Variants in GPC5 observed in about 807,000 individuals in gnomAD.
GPC5 encodes the protein glypican 5.
Under a neutral mutation model 53.9 loss-of-function variants are expected in GPC5, and 47 were observed. The ratio of observed to expected loss-of-function variants is 0.87; its 90% CI spans 0.69 to 1.11. The LOEUF (loss-of-function observed/expected upper bound fraction) is 1.11, where lower values mean the gene tolerates loss of function less well. Among genes scored for constraint, GPC5 ranks in the 50% most tolerant of loss-of-function variants. The probability of loss-of-function intolerance (pLI) is 0.00; values close to 1 mark genes in which losing one functional copy is unlikely to be tolerated. For synonymous variants in GPC5, 286 were observed against 263.3 expected (o/e 1.09, Z -0.84); for missense variants, 748 against 713.1 (o/e 1.05, Z -0.56).
intron 6 of GPC5, among the ~76,000 whole-genome samples, chr13:91,958,406 G>A (rs1003658543): frequency 5.5e-4 from 84 of 152,002 alleles, no homozygotes; most frequent in African/African-American, 2.0e-3. Flanking sequence ...AGTGCAAAGG[G>A]AGGGAGACTC....
At chr13:92,337,548 C>G (rs927080721) in intron 7 of GPC5, among the ~76,000 whole-genome samples, 1 of 152,094 alleles carries the variant, frequency 6.6e-6, no homozygotes, top group Non-Finnish European at 1.5e-5. Context: ...TACCAGATTT[C>G]AAGACATATT....
chr13:91,938,185 A>G (rs138545309), intron 6 of GPC5, among the ~76,000 whole-genome samples: 1 of 152,170 alleles, frequency 6.6e-6, no homozygotes, highest in East Asian at 1.9e-4. Context: ...TGGTTCTGCA[A>G]GCTCTACAGG....
At chr13:92,445,054 G>T (rs1159336942) in intron 7 of GPC5, among the ~76,000 whole-genome samples, 3 of 152,046 alleles carry the variant, frequency 2.0e-5, no homozygotes, top group African/African-American at 7.2e-5. Context: ...GCAGTTCTTA[G>T]GTTGTCTAAT....
chr13:92,763,117 T>G (rs1453154642), intron 7 of GPC5, among the ~76,000 whole-genome samples: 1 of 152,204 alleles, frequency 6.6e-6, no homozygotes, highest in East Asian at 1.9e-4. Context: ...TTTATTTTTC[T>G]TTTGGGTCAA....
In GPC5 at chr13:91,637,147, T is replaced by C. The variant is rs531087779; in HGVS notation, c.326-56040T>C. Among the ~76,000 whole-genome samples, 4 of 152,312 alleles carry C rather than the reference T, an allele frequency of 2.6e-5. No homozygotes were observed. The South Asian group carries it at 8.3e-4, about 32-fold the overall frequency. The stretch of plus-strand genomic sequence containing the variant: ...AAAGGTTGAGGTCTGTACAGGCAGG[T>C]TGAAGGACAGTTACAAGGTTTTCAT... On this transcript the variant is annotated intron_variant, in intron 2 of 7. Transcript: ENST00000377067.
intron 7 of GPC5, among the ~76,000 whole-genome samples, chr13:92,445,084 T>A (rs1298136321): frequency 1.3e-5 from 2 of 152,106 alleles, no homozygotes; most frequent in Non-Finnish European, 2.9e-5. Context: ...CTATAGGCTG[T>A]ATCATTGGTC....
In GPC5 at chr13:91,607,881, G is replaced by A. The variant is rs529762604; in HGVS notation, c.326-85306G>A. ...AAGTAGTGAGGTGCAAGAAAGCAGA[G>A]TTGAAAATAAGATTTAATATTGCTT... On this transcript the variant is annotated intron_variant, in intron 2 of 7. Coordinates refer to ENST00000377067, the MANE Select transcript of GPC5 (RefSeq NM_004466.6). Among the ~76,000 whole-genome samples, 24 of 152,286 alleles carry A rather than the reference G, an allele frequency of 1.6e-4. No individual in the cohort carries two copies. The South Asian group carries it at 4.8e-3, about 30-fold the overall frequency.
At chr13:92,747,603 T>C (rs1338299903) in intron 7 of GPC5, among the ~76,000 whole-genome samples, 1 of 152,160 alleles carries the variant, frequency 6.6e-6, no homozygotes, top group African/African-American at 2.4e-5. Context: ...AAATGACAAA[T>C]TGCCTCCACA....
chr13:92,091,497 A>G (rs1594759232), intron 6 of GPC5, among the ~76,000 whole-genome samples: 1 of 151,964 alleles, frequency 6.6e-6, no homozygotes, highest in East Asian at 1.9e-4. Flanking sequence ...ATAAATGAAC[A>G]ACGCATTTAT....
At chr13:92,371,246 T>C (rs1165808092) in intron 7 of GPC5, among the ~76,000 whole-genome samples, 1 of 152,226 alleles carries the variant, frequency 6.6e-6, no homozygotes, top group African/African-American at 2.4e-5. Context: ...TAGTATGTTA[T>C]TTCATTGTTT....
chr13:92,053,211 T>A (rs2041045028), intron 6 of GPC5, among the ~76,000 whole-genome samples: 1 of 152,212 alleles, frequency 6.6e-6, no homozygotes, highest in South Asian at 2.1e-4. Flanking sequence ...AATTCAGGAA[T>A]GGTGGAAGAG....
At chr13:92,107,952 GCT>G (rs1438001787) in intron 6 of GPC5, among the ~76,000 whole-genome samples, 2 of 152,122 alleles carry the variant, frequency 1.3e-5, no homozygotes, top group African/African-American at 4.8e-5. Flanking sequence ...TGTCCAAATT[GCT>G]CTTTTTCTCC....
At chr13:92,757,250 A>T (rs1382736242) in intron 7 of GPC5, among the ~76,000 whole-genome samples, 1 of 152,238 alleles carries the variant, frequency 6.6e-6, no homozygotes, top group East Asian at 1.9e-4. Flanking sequence ...GTATTTAATA[A>T]ATGGTGCTGG....
At position 91,689,777 on chromosome 13, in the gene GPC5, G is replaced by A. The variant is rs1322712594; in HGVS notation, c.326-3410G>A. On this transcript the variant is annotated intron_variant, in intron 2 of 7. Coordinates refer to ENST00000377067, the MANE Select transcript of GPC5 (RefSeq NM_004466.6). Reference sequence around the variant, plus strand: ...GGGCTTCAGGAACAATAACAGGCATGGAGATGTCATCTCCTGTGATAACAA... The same window carrying A: ...GGGCTTCAGGAACAATAACAGGCATAGAGATGTCATCTCCTGTGATAACAA... 5.3e-5 allele frequency among the ~76,000 whole-genome samples: 8 copies of A among 152,124 alleles called. 1 individual carries two copies. The East Asian group carries it at 1.5e-3, about 29-fold the overall frequency.
intron 7 of GPC5, among the ~76,000 whole-genome samples, chr13:92,404,709 C>T (rs1875718175): frequency 6.8e-6 from 1 of 146,706 alleles, no homozygotes; most frequent in Non-Finnish European, 1.5e-5. Context: ...TCTTGGCATT[C>T]CAAAACTGGG....
chr13:92,554,937 G>A (rs888606320), intron 7 of GPC5, among the ~76,000 whole-genome samples: 19 of 147,136 alleles, frequency 1.3e-4, no homozygotes, highest in Non-Finnish European at 2.4e-4. Context: ...TAAGTTTTGA[G>A]TTTGTTTTTT....
chr13:91,596,922 A>G (rs906278930), intron 2 of GPC5, among the ~76,000 whole-genome samples: 1 of 152,152 alleles, frequency 6.6e-6, no homozygotes, highest in African/African-American at 2.4e-5. Flanking sequence ...CAGAACCCTC[A>G]TTGAATCTCT....
chr13:92,149,484 A>G (rs1348885360), intron 7 of GPC5, among the ~76,000 whole-genome samples: 1 of 152,082 alleles, frequency 6.6e-6, no homozygotes, highest in African/African-American at 2.4e-5. Context: ...AGTAAAATAA[A>G]TAGAACTATT....
chr13:92,269,695 C>T (rs915732842), intron 7 of GPC5, among the ~76,000 whole-genome samples: 6 of 152,166 alleles, frequency 3.9e-5, no homozygotes, highest in African/African-American at 1.2e-4. Flanking sequence ...CGTGAGCCAC[C>T]ACACCTGGCC....
Sources: allele counts gnomAD v4.1 joint callset (sites outside exome capture counted in the v4.1 genomes callset), GRCh38; gene constraint gnomAD v4.1.1; transcripts MANE v1.5; gene names NCBI Gene and HGNC (gene_info 2026-07-23, HGNC 2026-07-21).